Variants in CADM2 observed in about 807,000 individuals in gnomAD.
CADM2 encodes immunoglobulin superfamily member 4D.
In CADM2, 12 loss-of-function variants were observed where a neutral mutation model predicts 49.8. That is an observed-to-expected ratio of 0.24 (90% CI 0.15 to 0.39). The LOEUF is 0.39. CADM2 is among the 10% of genes least tolerant of loss of function. The probability of loss-of-function intolerance (pLI) is 1.00; values close to 1 mark genes in which losing one functional copy is unlikely to be tolerated. For synonymous variants in CADM2, 214 were observed against 175.4 expected, an observed-to-expected ratio of 1.22 and a Z score of -1.74; for missense variants, 378 against 492.3, an observed-to-expected ratio of 0.77 and a Z score of 2.20.
At chr3:85,846,744 C>A (rs1171098104) in intron 3 of CADM2, among the ~76,000 whole-genome samples, 3 of 151,982 alleles carry the variant, frequency 2.0e-5, no homozygotes. Flanking sequence ...TGCCTGTAGT[C>A]CCAGGTAATT....
At chr3:85,275,689 A>G (rs971916545) in intron 1 of CADM2, among the ~76,000 whole-genome samples, 2 of 151,200 alleles carry the variant, frequency 1.3e-5, no homozygotes, top group African/African-American at 4.8e-5. Context: ...CTTTTAATAC[A>G]TGTATTTGCT....
chr3:86,041,393 G>A lies in CADM2; in HGVS notation c.971-24212G>A, dbSNP rs554016216. On this transcript the variant is annotated intron_variant, in intron 8 of 9. Transcript: ENST00000383699. ...AATAAAAGGATGGAGGAAGATCTAC[G>A]AAGCAAATGGAAAACAAAAAAAGGC... is the stretch of plus-strand genomic sequence containing the variant. Among the ~76,000 whole-genome samples, 23 of 152,048 alleles carry A rather than the reference G, an allele frequency of 1.5e-4. 2 individuals carry two copies. In the South Asian group the frequency reaches 3.3e-3, roughly 22 times the overall value.
intron 8 of CADM2, among the ~76,000 whole-genome samples, chr3:86,003,787 G>A (rs570367309): frequency 3.3e-4 from 50 of 152,244 alleles, no homozygotes; most frequent in Non-Finnish European, 6.8e-4. Context: ...CTGGGATCAG[G>A]TAAGTGAGTG....
chr3:85,935,689 C>A, intron 6 of CADM2, 78 bp from the exon 7 acceptor site: 1 of 637,288 alleles, frequency 1.6e-6, no homozygotes, highest in South Asian at 2.9e-5. Context: ...ATGCTGAACA[C>A]ACAGCATGAT....
chr3:85,848,307 A>G (rs757744852), intron 3 of CADM2, among the ~76,000 whole-genome samples: 2 of 152,106 alleles, frequency 1.3e-5, no homozygotes, highest in Non-Finnish European at 2.9e-5. Context: ...CCCCAATCTT[A>G]AAGGACAAAA....
At chr3:85,280,341 A>C (rs1223294106) in intron 1 of CADM2, among the ~76,000 whole-genome samples, 1 of 148,736 alleles carries the variant, frequency 6.7e-6, no homozygotes, top group African/African-American at 2.5e-5. Flanking sequence ...TTTTTCCTTA[A>C]CTTTTTTTTT....
At chr3:85,566,280 G>T (rs1016475361) in intron 1 of CADM2, among the ~76,000 whole-genome samples, 1 of 151,920 alleles carries the variant, frequency 6.6e-6, no homozygotes, top group Non-Finnish European at 1.5e-5. Context: ...GAAAACAATA[G>T]AAATTTGAAA....
rs191900734 is a variant in CADM2, at chr3:85,709,439, A to G, written c.62-17083A>G. The stretch of plus-strand genomic sequence containing the variant: ...TTGCGTTACATACAAGATTTTCCTT[A>G]TAGTTTATTTCTCTCTAAGAGGCAG... On this transcript the variant is annotated intron_variant, in intron 1 of 9. Coordinates refer to ENST00000383699, the MANE Select transcript of CADM2 (RefSeq NM_001167675.2). Among the ~76,000 whole-genome samples the G allele has an allele frequency of 6.6e-5, 10 of 152,184 alleles. No individual in the cohort carries two copies. The East Asian group carries it at 1.9e-3, about 29-fold the overall frequency.
At chr3:86,058,718 G>T (rs1738279623) in intron 8 of CADM2, among the ~76,000 whole-genome samples, 1 of 151,770 alleles carries the variant, frequency 6.6e-6, no homozygotes, top group South Asian at 2.1e-4. Flanking sequence ...TAAATAAAAT[G>T]ATTTACATTT....
At chr3:85,252,385 G>A (rs1176121231) in intron 1 of CADM2, among the ~76,000 whole-genome samples, 3 of 151,910 alleles carry the variant, frequency 2.0e-5, no homozygotes, top group Non-Finnish European at 4.4e-5. Flanking sequence ...AATGAGCTGG[G>A]TGTGAGAGTG....
chr3:85,504,430 C>A (rs1432083457), intron 1 of CADM2, among the ~76,000 whole-genome samples: 1 of 152,162 alleles, frequency 6.6e-6, no homozygotes, highest in Non-Finnish European at 1.5e-5. Context: ...GGGACCGGAG[C>A]GGGTTGTCAC....
chr3:86,031,992 G>A (rs1472528781), intron 8 of CADM2, among the ~76,000 whole-genome samples: 1 of 151,656 alleles, frequency 6.6e-6, no homozygotes, highest in East Asian at 1.9e-4. Flanking sequence ...GAGTGGGGAG[G>A]ATGTTGACGG....
At chr3:85,810,069 C>A (rs1166362682) in intron 3 of CADM2, among the ~76,000 whole-genome samples, 1 of 151,864 alleles carries the variant, frequency 6.6e-6, no homozygotes, top group Non-Finnish European at 1.5e-5. Context: ...ATGATGCACA[C>A]CCAGAAAGTA....
intron 6 of CADM2, among the ~76,000 whole-genome samples, chr3:85,919,206 T>C (rs1024448369): frequency 2.0e-5 from 3 of 152,088 alleles, no homozygotes; most frequent in Admixed American, 2.0e-4. Flanking sequence ...CTTATGCTTA[T>C]CATTAATGTT....
At chr3:85,878,966 G>C (rs1219927031) in intron 3 of CADM2, among the ~76,000 whole-genome samples, 1 of 151,326 alleles carries the variant, frequency 6.6e-6, no homozygotes, top group Non-Finnish European at 1.5e-5. Flanking sequence ...TTTTCCTTTT[G>C]GTGACCTCTT....
chr3:84,980,323 G>C (rs1188310146), intron 1 of CADM2, among the ~76,000 whole-genome samples: 4 of 152,110 alleles, frequency 2.6e-5, no homozygotes, highest in Admixed American at 2.6e-4. Flanking sequence ...GGAAAGAACA[G>C]AATTAAAAAA....
At chr3:85,724,875 G>T (rs1352075655) in intron 1 of CADM2, among the ~76,000 whole-genome samples, 1 of 151,758 alleles carries the variant, frequency 6.6e-6, no homozygotes, top group Non-Finnish European at 1.5e-5. Flanking sequence ...AAGGAATGTA[G>T]ATTTTTGATG....
chr3:85,026,567 C>T (rs1328477733), intron 1 of CADM2, among the ~76,000 whole-genome samples: 2 of 152,002 alleles, frequency 1.3e-5, no homozygotes, highest in African/African-American at 4.8e-5. Context: ...TTATTTTATG[C>T]CTATGCTACC....
At chr3:85,545,086 A>G (rs1326170250) in intron 1 of CADM2, among the ~76,000 whole-genome samples, 1 of 152,140 alleles carries the variant, frequency 6.6e-6, no homozygotes, top group Non-Finnish European at 1.5e-5. Context: ...ATGTGTCTTT[A>G]AAAGACACAA....
Sources: allele counts gnomAD v4.1 joint callset (sites outside exome capture counted in the v4.1 genomes callset), GRCh38; gene constraint gnomAD v4.1.1; transcripts MANE v1.5; gene names NCBI Gene and HGNC (gene_info 2026-07-23, HGNC 2026-07-21).